The following NPAS3 variants were observed in gnomAD, a reference collection of about 807,000 sequenced individuals.
NPAS3 encodes neuronal PAS domain protein 3, also known as neuronal PAS domain-containing protein 3.
Under a neutral mutation model 73.1 loss-of-function variants are expected in NPAS3, and 14 were observed. That is an observed-to-expected ratio of 0.19 (90% CI 0.13 to 0.30). The LOEUF (loss-of-function observed/expected upper bound fraction) is 0.30. Among genes scored for constraint, NPAS3 ranks in the 10% least tolerant of loss-of-function variants. The pLI is 1.00. For synonymous variants in NPAS3, 620 were observed against 541.5 expected (o/e 1.14, Z -2.01); for missense variants, 1,096 against 1,250.0 (o/e 0.88, Z 1.86).
At chr14:33,648,313 A>C (rs2058893204) in intron 5 of NPAS3, among the ~76,000 whole-genome samples, 1 of 152,226 alleles carries the variant, frequency 6.6e-6, no homozygotes, top group Non-Finnish European at 1.5e-5. Flanking sequence ...CTTTAGGTCC[A>C]TTGAAAACTT....
chr14:33,055,509 T>C (rs542697150), intron 1 of NPAS3, among the ~76,000 whole-genome samples: 12 of 152,328 alleles, frequency 7.9e-5, no homozygotes, highest in Non-Finnish European at 1.5e-4. Context: ...TTGCCTACAA[T>C]AGTAATGCAT....
intron 4 of NPAS3, among the ~76,000 whole-genome samples, chr14:33,538,028 T>C (rs944710759): frequency 4.6e-5 from 7 of 152,200 alleles, no homozygotes; most frequent in African/African-American, 1.7e-4. Context: ...TGTGGTGGCA[T>C]AGACCATAAA....
chr14:33,576,954 G>T (rs2056461228), intron 5 of NPAS3, among the ~76,000 whole-genome samples: 1 of 152,192 alleles, frequency 6.6e-6, no homozygotes, highest in Non-Finnish European at 1.5e-5. Context: ...GGCCAAATGG[G>T]TTGGAGGAAA....
At chr14:33,469,438 G>A (rs1044538276) in intron 4 of NPAS3, among the ~76,000 whole-genome samples, 7 of 152,074 alleles carry the variant, frequency 4.6e-5, no homozygotes, top group African/African-American at 1.7e-4. Context: ...AGGTAAGAAA[G>A]TGAGACACAA....
chr14:33,599,276 G>A (rs1469420726), intron 5 of NPAS3, among the ~76,000 whole-genome samples: 2 of 152,140 alleles, frequency 1.3e-5, no homozygotes, highest in Non-Finnish European at 2.9e-5. Context: ...TTTATAATCA[G>A]ACAAGAAGAA....
At chr14:33,106,123 A>G (rs74749193) in intron 2 of NPAS3, among the ~76,000 whole-genome samples, 2,284 of 152,284 alleles carry the variant, frequency 0.015, 57 homozygotes, top group African/African-American at 0.053. Flanking sequence ...CCAAATTCTT[A>G]GGAATGTGTT....
intron 4 of NPAS3, among the ~76,000 whole-genome samples, chr14:33,440,095 A>C (rs1173337450): frequency 6.6e-6 from 1 of 150,772 alleles, no homozygotes; most frequent in Non-Finnish European, 1.5e-5. Context: ...CAGCCTGGGC[A>C]ACAGAGTGAC....
At chr14:33,637,459 A>AAGAAACTTTTTCTAAGCTT (rs2058553198) in intron 5 of NPAS3, among the ~76,000 whole-genome samples, 1 of 152,220 alleles carries the variant, frequency 6.6e-6, no homozygotes, top group Admixed American at 6.5e-5. Context: ...AGGTGATCAG[A>AAGAAACTTTTTCTAAGCTT]AGAAACTTTT....
At chr14:33,256,745 T>C (rs1040026901) in intron 3 of NPAS3, among the ~76,000 whole-genome samples, 1 of 152,370 alleles carries the variant, frequency 6.6e-6, no homozygotes, top group African/African-American at 2.4e-5. Flanking sequence ...TATTAATAGT[T>C]TATTACACAA....
At chr14:32,938,482 A>AGAGAAAGAGAGAGAGAGAGAG (rs2035781447), upstream of NPAS3, among the ~76,000 whole-genome samples, 1 of 15,054 alleles carries the variant, frequency 6.6e-5, no homozygotes, top group East Asian at 1.1e-3. Context: ...AGAGAGAGAG[A>AGAGAAAGAGAGAGAGAGAGAG]AATTGAGAGA....
At chr14:33,677,264 C>G (rs570313416) in intron 6 of NPAS3, among the ~76,000 whole-genome samples, 7 of 152,156 alleles carry the variant, frequency 4.6e-5, no homozygotes, top group Non-Finnish European at 7.4e-5. Flanking sequence ...CCTTTTTGTA[C>G]TTTTTTAGAG....
intron 1 of NPAS3, among the ~76,000 whole-genome samples, chr14:33,038,929 A>G (rs1312366817): frequency 6.6e-6 from 1 of 152,210 alleles, no homozygotes; most frequent in Non-Finnish European, 1.5e-5. Context: ...GAAGTTTGGT[A>G]TGAAATGATT....
intron 7 of NPAS3, among the ~76,000 whole-genome samples, chr14:33,769,095 A>C (rs2062557641): frequency 6.6e-6 from 1 of 152,234 alleles, no homozygotes; most frequent in Non-Finnish European, 1.5e-5. Context: ...ATAACAAAAA[A>C]CAAAAACATA....
At chr14:33,719,989 G>C (rs1229105862) in intron 6 of NPAS3, among the ~76,000 whole-genome samples, 2 of 152,018 alleles carry the variant, frequency 1.3e-5, no homozygotes, top group Non-Finnish European at 2.9e-5. Flanking sequence ...CTAAAAAAAA[G>C]AAAAGCTAGT....
At chr14:33,642,902 A>C (rs2058713739) in intron 5 of NPAS3, among the ~76,000 whole-genome samples, 1 of 152,122 alleles carries the variant, frequency 6.6e-6, no homozygotes, top group African/African-American at 2.4e-5. Context: ...GTGGCTGCCA[A>C]ATTTACTGTG....
intron 1 of NPAS3, among the ~76,000 whole-genome samples, chr14:32,969,731 A>G (rs561799561): frequency 5.1e-4 from 77 of 152,324 alleles, no homozygotes; most frequent in Non-Finnish European, 9.4e-4. Flanking sequence ...AGCCTTGTAG[A>G]CTTTGTAAAA....
chr14:32,989,338 T>C (rs1302858485), intron 1 of NPAS3, among the ~76,000 whole-genome samples: 6 of 152,186 alleles, frequency 3.9e-5, no homozygotes, highest in African/African-American at 7.2e-5. Context: ...AAAAGCTATA[T>C]TTTGAGAAGT....
chr14:33,297,083 T>C (rs992692435), intron 3 of NPAS3, among the ~76,000 whole-genome samples: 1 of 152,188 alleles, frequency 6.6e-6, no homozygotes, highest in African/African-American at 2.4e-5. Flanking sequence ...ACTTTGAATT[T>C]ACATAAACTG....
intron 4 of NPAS3, among the ~76,000 whole-genome samples, chr14:33,550,294 CTTTTAATTGTATAAATT>C (rs2055049381): frequency 6.6e-6 from 1 of 152,178 alleles, no homozygotes; most frequent in Non-Finnish European, 1.5e-5. Flanking sequence ...AGCATTACTG[CTTTTAATTGTATAAATT>C]AAGACTGTCA....
Sources: gnomAD v4.1 joint callset for allele counts (sites outside exome capture counted in the v4.1 genomes callset) on GRCh38, gnomAD v4.1.1 for gene constraint, MANE v1.5 for transcripts, NCBI Gene and HGNC (gene_info 2026-07-23, HGNC 2026-07-21) for gene names.